PDE6B: variants seen among roughly 807,000 people sequenced by gnomAD.
PDE6B encodes the protein phosphodiesterase 6B, also known as rod cGMP-specific 3',5'-cyclic phosphodiesterase subunit beta.
Under a neutral mutation model 109.0 loss-of-function variants are expected in PDE6B, and 106 were observed. The observed-to-expected ratio is 0.97, with a 90% confidence interval of 0.83 to 1.14. The LOEUF is 1.14. Among genes scored for constraint, PDE6B ranks in the 50% most tolerant of loss-of-function variants. The pLI, the probability that PDE6B is intolerant of heterozygous loss-of-function variation, is 0.00. For missense variants in PDE6B, 1,193 were observed against 1,155.6 expected (o/e 1.03, Z -0.47); for synonymous variants, 490 against 471.3 (o/e 1.04, Z -0.51).
chr4:647,091 C>G (rs1157865529), intron 3 of PDE6B, among the ~76,000 whole-genome samples: 1 of 151,998 alleles, frequency 6.6e-6, no homozygotes, highest in Non-Finnish European at 1.5e-5. Flanking sequence ...CTCCTGACTT[C>G]AGTTGAACTG....
In PDE6B at chr4:633,741, C is replaced by T. The variant is rs1044350972; in HGVS notation, c.469-936C>T. Among the ~76,000 whole-genome samples, 2 of 152,200 alleles carry T rather than the reference C, an allele frequency of 1.3e-5. No homozygotes were observed. The highest frequency in any genetic ancestry group is 2.9e-5 in the Non-Finnish European group (2 of 68,022). On this transcript the variant is annotated intron_variant, in intron 1 of 21. Transcript: ENST00000496514. The surrounding 1 kb of genome is among the most constrained non-coding windows in gnomAD (Gnocchi z 4.5). Reference sequence around the variant, plus strand: ...ACCCCAGCAGGGCTGACTCCGGAGCCGTCCACCTGGGTCACTGCCCCAGGG... The same window carrying T: ...ACCCCAGCAGGGCTGACTCCGGAGCTGTCCACCTGGGTCACTGCCCCAGGG...
Position 662,251 on chromosome 4 carries a change from T to TGCCAGAATCACCAGGGTTGTGCAG in PDE6B, c.1722+14_1722+37dup, listed in dbSNP as rs750408903. ...GTTCACGCTGCTCATGGTACGTGGC[T>TGCCAGAATCACCAGGGTTGTGCAG]GCCAGAATCACCAGGGTTGTGCAGG... On this transcript the variant is annotated intron_variant, in intron 13 of 21. Coordinates refer to ENST00000496514, the MANE Select transcript of PDE6B (RefSeq NM_000283.4). The surrounding 1 kb of genome is among the most constrained non-coding windows in gnomAD (Gnocchi z 4.3). The TGCCAGAATCACCAGGGTTGTGCAG allele has an allele frequency of 5.3e-5, 79 of 1,480,934 alleles. No homozygotes were observed. The highest frequency in any genetic ancestry group is 1.7e-4 in the Middle Eastern group (1 of 5,888). The allele number at this position is 1,480,934 out of a possible 1,614,324, so 91.7% of individuals were successfully genotyped here. A position where few individuals can be genotyped will look rare whatever the true frequency, so the allele number is the denominator to read the frequency against.
chr4:669,964 G>A (rs1270249130), intron 21 of PDE6B, 82 bp from the exon 22 acceptor site: 19 of 1,143,786 alleles, frequency 1.7e-5, no homozygotes, highest in Non-Finnish European at 2.3e-5. Context: ...GGGGTTGGTA[G>A]AGGTCACACC....
In PDE6B at chr4:663,680, C is replaced by G; in HGVS notation, c.1921-90C>G. The G allele has an allele frequency of 1.1e-6, 1 of 930,722 alleles. No individual in the cohort carries two copies. Among genetic ancestry groups the G allele is most frequent in the South Asian group, 1.3e-5 (1 of 74,306 alleles). 57.7% of individuals were successfully genotyped at this position (930,722 alleles called of 1,614,324 possible). On this transcript the variant is annotated intron_variant, in intron 15 of 21. Transcript: ENST00000496514. The surrounding 1 kb of genome is among the most constrained non-coding windows in gnomAD (Gnocchi z 4.0). Reference sequence around the variant, plus strand: ...GGCCCGAGGGCGGGGGCGTGAGAGGCACAGGCAGCCGAGGCGGAAGGGGCG... The same window carrying G: ...GGCCCGAGGGCGGGGGCGTGAGAGGGACAGGCAGCCGAGGCGGAAGGGGCG...
chr4:634,004 G>T (rs950905229), intron 1 of PDE6B, among the ~76,000 whole-genome samples: 3 of 151,938 alleles, frequency 2.0e-5, no homozygotes, highest in African/African-American at 4.8e-5. Flanking sequence ...AGGAGTGAGG[G>T]TGGGTGGGTA....
chr4:636,638 C>T lies in PDE6B; in HGVS notation c.711+669C>T, dbSNP rs1450816577. Among the ~76,000 whole-genome samples the T allele has an allele frequency of 6.6e-6, 1 of 152,172 alleles. No individual in the cohort carries two copies. The highest frequency in any genetic ancestry group is 1.5e-5 in the Non-Finnish European group (1 of 68,016). ...ATGCAATGGCCTGGGGGCTGAGCCA[C>T]AAAGGAGAACTGTGAAGACGGCGGT... On this transcript the variant is annotated intron_variant, in intron 3 of 21. Coordinates refer to ENST00000496514, the MANE Select transcript of PDE6B (RefSeq NM_000283.4). The surrounding 1 kb of genome is among the most constrained non-coding windows in gnomAD (Gnocchi z 4.5).
chr4:650,189 C>T (rs890514648), intron 3 of PDE6B, among the ~76,000 whole-genome samples: 12 of 152,232 alleles, frequency 7.9e-5, no homozygotes, highest in Non-Finnish European at 1.3e-4. Flanking sequence ...TGGAAAACTC[C>T]AGGGCGGGCC....
In PDE6B at chr4:656,729, G is replaced by GA. The variant is rs1232496849; in HGVS notation, c.1108-144dup. 4 of 712,220 alleles carry GA rather than the reference G, an allele frequency of 5.6e-6. No individual in the cohort carries two copies. The Admixed American group carries it at 6.5e-5, about 12-fold the overall frequency. The allele number at this position is 712,220 out of a possible 1,614,324, so 44.1% of individuals were successfully genotyped here. A position where few individuals can be genotyped will look rare whatever the true frequency, so the allele number is the denominator to read the frequency against. On this transcript the variant is annotated intron_variant, in intron 8 of 21. Transcript: ENST00000496514. ...CAAACTCCAAATGCAGAGAGGGAGA[G>GA]AGGGAATGCAGAGAGCAGAGACAGG...
intron 1 of PDE6B, among the ~76,000 whole-genome samples, chr4:631,492 T>C (rs1324781052): frequency 1.3e-5 from 2 of 151,332 alleles, no homozygotes. Flanking sequence ...TGGCGCTGTC[T>C]GAAGGTCATG....
intron 1 of PDE6B, among the ~76,000 whole-genome samples, chr4:627,680 C>T (rs374693945): frequency 1.3e-5 from 2 of 151,194 alleles, no homozygotes; most frequent in African/African-American, 4.9e-5. Context: ...TCCCTCCTCC[C>T]CTCACTCTCC....
rs796583063 is a variant in PDE6B at position 663,619 on chromosome 4, T to C, written c.1921-151T>C. On this transcript the variant is annotated intron_variant, in intron 15 of 21. Transcript: ENST00000496514. The surrounding 1 kb of genome is among the most constrained non-coding windows in gnomAD (Gnocchi z 4.0). ...GAGCTGGGCACCCTGAGGAGGGCCC[T>C]GAGCAGCAGGCGGATTAGGGGTCCC... 4 of 690,616 alleles carry C rather than the reference T, an allele frequency of 5.8e-6. No individual in the cohort carries two copies. The African/African-American group carries it at 7.0e-5, about 12-fold the overall frequency. The allele number at this position is 690,616 out of a possible 1,614,324, so 42.8% of individuals were successfully genotyped here. A position where few individuals can be genotyped will look rare whatever the true frequency, so the allele number is the denominator to read the frequency against.
chr4:648,844 C>T lies in PDE6B; in HGVS notation c.712-5008C>T, dbSNP rs754928309. ...TTCAGGCCGGCCATGCGTCAGGACC[C>T]GGTGGCTCGCTGCAAGGGCGGAGGA... On this transcript the variant is annotated intron_variant, in intron 3 of 21. Transcript: ENST00000496514. This position sits in a 1 kb window ranked among gnomAD's most constrained non-coding sequence, Gnocchi z 4.5. Among the ~76,000 whole-genome samples, 5 of 152,258 alleles carry T rather than the reference C, an allele frequency of 3.3e-5. No individual in the cohort carries two copies. The highest frequency in any genetic ancestry group is 4.8e-5 in the African/African-American group (2 of 41,470).
At chr4:652,727 G>A (rs1177185339) in intron 3 of PDE6B, 2 of 154,204 alleles carry the variant, frequency 1.3e-5, no homozygotes, top group Non-Finnish European at 2.9e-5. Flanking sequence ...TGCAACCTCT[G>A]TACAAACTCT....
chr4:627,291 G>C (rs35853545), intron 1 of PDE6B, among the ~76,000 whole-genome samples: 6 of 151,980 alleles, frequency 3.9e-5, no homozygotes, highest in African/African-American at 9.7e-5. Flanking sequence ...GACTAGAGGT[G>C]CCCGCCACCA....
Position 641,880 on chromosome 4 carries a change from C to T in PDE6B, c.711+5911C>T, listed in dbSNP as rs566414813. Among the ~76,000 whole-genome samples, 10 of 152,230 alleles carry T rather than the reference C, an allele frequency of 6.6e-5. No individual in the cohort carries two copies. In the South Asian group the frequency reaches 2.1e-3, roughly 32 times the overall value. On this transcript the variant is annotated intron_variant, in intron 3 of 21. Coordinates refer to ENST00000496514, the MANE Select transcript of PDE6B (RefSeq NM_000283.4). The stretch of plus-strand genomic sequence containing the variant: ...CAGGCTGGTCTTAAACTCCTGACCT[C>T]AGGTGATCTGCCCACATCAGCCTCC...
chr4:637,340 C>T (rs183224431), intron 3 of PDE6B, among the ~76,000 whole-genome samples: 3 of 152,234 alleles, frequency 2.0e-5, no homozygotes, highest in Non-Finnish European at 2.9e-5. Context: ...CCTGCCTCAG[C>T]CTCCCGAGTA....
rs570324313 is a variant in PDE6B at position 634,772 on chromosome 4, G to A, written c.564G>A (p.Ala188=). 7.4e-5 allele frequency: 119 copies of A among 1,613,680 alleles called. No homozygotes were observed. The highest frequency in any genetic ancestry group is 9.3e-5 in the Non-Finnish European group (110 of 1,179,726). The change falls in exon 2 of 22, where the codon GCG becomes GCA. Residue 188 remains alanine, a synonymous_variant. Coordinates refer to ENST00000496514, the MANE Select transcript of PDE6B (RefSeq NM_000283.4). ...TCATGAATGGCAAAGACGTCGTGGC[G>A]GTGATCATGGCAGTGAACAAGCTCA... ...TPIMNGKDVV[A]VIMAVNKLNG... is the part of the protein sequence containing the mutation.
At chr4:650,168 G>A (rs1735430799) in intron 3 of PDE6B, among the ~76,000 whole-genome samples, 1 of 152,180 alleles carries the variant, frequency 6.6e-6, no homozygotes, top group Non-Finnish European at 1.5e-5. Flanking sequence ...TCCCTGAGGA[G>A]GGGACAAGTC....
At position 663,338 on chromosome 4, in the gene PDE6B, G is replaced by C; in HGVS notation, c.1920+151G>C. ...GGGGAGGGCGGCAGAGAAGGCGGAG[G>C]GCCGAGGCTGAGGGCAGGTGCATCG... On this transcript the variant is annotated intron_variant, in intron 15 of 21. Coordinates refer to ENST00000496514, the MANE Select transcript of PDE6B (RefSeq NM_000283.4). This position sits in a 1 kb window ranked among gnomAD's most constrained non-coding sequence, Gnocchi z 4.0. The C allele has an allele frequency of 6.0e-6, 4 of 672,236 alleles. No homozygotes were observed. The highest frequency in any genetic ancestry group is 8.2e-6 in the Non-Finnish European group (3 of 365,894). 41.6% of individuals were successfully genotyped at this position (672,236 alleles called of 1,614,324 possible).
Sources: allele counts gnomAD v4.1 joint callset (sites outside exome capture counted in the v4.1 genomes callset), GRCh38; gene constraint gnomAD v4.1.1; non-coding constraint Gnocchi (gnomAD v3.1); transcripts MANE v1.5; gene names NCBI Gene and HGNC (gene_info 2026-07-23, HGNC 2026-07-21).